The following IL23R variants were observed in gnomAD, a reference collection of about 807,000 sequenced individuals.
IL23R encodes interleukin 23 receptor, also known as interleukin-23 receptor.
IL23R carries 34 observed loss-of-function variants against 56.9 expected under a neutral mutation model. That is an observed-to-expected ratio of 0.60 (90% CI 0.45 to 0.80). The LOEUF is 0.80. Ranked by LOEUF, IL23R falls within the 30% of genes least tolerant of loss-of-function variation. The pLI is 0.00. For synonymous variants in IL23R, 230 were observed against 249.2 expected (o/e 0.92, Z 0.73); for missense variants, 635 against 730.0 (o/e 0.87, Z 1.50).
intron 9 of IL23R, among the ~76,000 whole-genome samples, chr1:67,255,098 G>A (rs540999613): frequency 6.6e-6 from 1 of 152,304 alleles, no homozygotes; most frequent in African/African-American, 2.4e-5. Context: ...CTAAATTTTA[G>A]GGCTTTATTA....
chr1:67,229,815 T>C (rs1181881933), intron 7 of IL23R, among the ~76,000 whole-genome samples: 3 of 152,218 alleles, frequency 2.0e-5, no homozygotes, highest in African/African-American at 7.2e-5. Flanking sequence ...CGGACATCTT[T>C]ATGATGCCAT....
chr1:67,163,630 C>T (rs201580639), upstream of IL23R, among the ~76,000 whole-genome samples: 63 of 152,098 alleles, frequency 4.1e-4, no homozygotes, highest in East Asian at 3.1e-3. Flanking sequence ...ATGATGAGAG[C>T]GAGTTCTCGT....
chr1:67,150,191 C>T (rs1199018500), intron 1 of IL23R, among the ~76,000 whole-genome samples: 1 of 151,090 alleles, frequency 6.6e-6, no homozygotes, highest in Non-Finnish European at 1.5e-5. Flanking sequence ...CCTCTGAATT[C>T]CAGGTTCATA....
intron 1 of IL23R, among the ~76,000 whole-genome samples, chr1:67,148,555 G>A (rs1341975443): frequency 6.6e-6 from 1 of 152,202 alleles, no homozygotes; most frequent in Non-Finnish European, 1.5e-5. Flanking sequence ...TTGAAGGTGG[G>A]TGTGGTCACC....
downstream of IL23R, among the ~76,000 whole-genome samples, chr1:67,263,339 G>A (rs1333823345): frequency 6.6e-6 from 1 of 151,810 alleles, no homozygotes; most frequent in East Asian, 1.9e-4. Flanking sequence ...TTCCACCTTG[G>A]CCTCTCAAAG....
At chr1:67,143,545 G>A (rs1646656384) in intron 1 of IL23R, among the ~76,000 whole-genome samples, 1 of 152,196 alleles carries the variant, frequency 6.6e-6, no homozygotes, top group African/African-American at 2.4e-5. Context: ...AGAACACAGT[G>A]CAGAATTGCC....
chr1:67,201,772 C>T (rs1179884658), intron 5 of IL23R, among the ~76,000 whole-genome samples: 1 of 152,082 alleles, frequency 6.6e-6, no homozygotes, highest in South Asian at 2.1e-4. Context: ...CCAGATTTAA[C>T]AAACATTAAT....
intron 6 of IL23R, among the ~76,000 whole-genome samples, chr1:67,219,233 T>C (rs552750150): frequency 3.2e-4 from 48 of 152,198 alleles, no homozygotes; most frequent in Non-Finnish European, 5.3e-4. Flanking sequence ...CCAGGTGTTG[T>C]AGTGCATGAC....
At chr1:67,201,717 A>C (rs187803748) in intron 5 of IL23R, among the ~76,000 whole-genome samples, 84 of 152,322 alleles carry the variant, frequency 5.5e-4, no homozygotes, top group African/African-American at 1.9e-3. Context: ...TACAAAATAC[A>C]TAGAAAATTG....
intron 9 of IL23R, among the ~76,000 whole-genome samples, chr1:67,241,050 C>T (rs957647797): frequency 3.3e-5 from 5 of 152,186 alleles, no homozygotes; most frequent in African/African-American, 1.2e-4. Context: ...GCCTATTAGG[C>T]TAGGTTACAG....
intron 3 of IL23R, among the ~76,000 whole-genome samples, chr1:67,179,143 G>T (rs1415268922): frequency 6.6e-6 from 1 of 152,196 alleles, no homozygotes; most frequent in Non-Finnish European, 1.5e-5. Flanking sequence ...AAATGAGTTA[G>T]GGAGGATTCC....
intron 1 of IL23R, among the ~76,000 whole-genome samples, chr1:67,143,455 C>T (rs560735051): frequency 2.3e-4 from 35 of 152,244 alleles, no homozygotes; most frequent in African/African-American, 8.4e-4. Context: ...AATGTCAATG[C>T]ATTAATTAGT....
rs1342306651 is a variant in IL23R at position 67,203,975 on chromosome 1, G to A, written c.653-2935G>A. 2.0e-5 allele frequency among the ~76,000 whole-genome samples: 3 copies of A among 152,232 alleles called. No individual in the cohort carries two copies. The East Asian group carries it at 5.8e-4, about 29-fold the overall frequency. On this transcript the variant is annotated intron_variant, in intron 5 of 10. Transcript: ENST00000347310. ...CCATTATATAAATATGGATAAATAT[G>A]TGTTGGAAAGATGCTAAAAGGCTAT...
intron 7 of IL23R, among the ~76,000 whole-genome samples, chr1:67,228,014 CT>C (rs1202312536): frequency 1.2e-5 from 1 of 82,852 alleles, no homozygotes; most frequent in African/African-American, 5.0e-5. Context: ...TTCTTTCTTT[CT>C]TTCTTCCTTT....
chr1:67,160,955 A>G (rs760411131), intron 1 of IL23R, among the ~76,000 whole-genome samples: 9 of 152,218 alleles, frequency 5.9e-5, no homozygotes, highest in Non-Finnish European at 1.3e-4. Flanking sequence ...GAATCAATAA[A>G]ACCTTATTTA....
chr1:67,158,248 T>A (rs1646787543), intron 1 of IL23R, among the ~76,000 whole-genome samples: 1 of 151,456 alleles, frequency 6.6e-6, no homozygotes, highest in South Asian at 2.1e-4. Context: ...TTTGAATGAA[T>A]GAATGTTGTA....
intron 3 of IL23R, among the ~76,000 whole-genome samples, chr1:67,173,467 A>G (rs575992214): frequency 3.3e-5 from 5 of 152,290 alleles, no homozygotes; most frequent in South Asian, 2.1e-4. Context: ...AATCATTGTA[A>G]TCAATGAGGG....
At chr1:67,204,063 ACTTTTTTTTT>A in intron 5 of IL23R, among the ~76,000 whole-genome samples, 2 of 152,244 alleles carry the variant, frequency 1.3e-5, no homozygotes, top group Middle Eastern at 6.8e-3. Flanking sequence ...TAAAATTGAT[ACTTTTTTTTT>A]CTTTTTTTGA....
In IL23R at chr1:67,258,557, T is replaced by C; in HGVS notation, c.1319T>C (p.Ile440Thr). The change falls in exon 11 of 11, where the codon ATC becomes ACC. Residue 440 changes from isoleucine (I) to threonine (T), a missense_variant. Transcript: ENST00000347310. ...VDPMITEIKE[I>T]FIPEHKPTDY... The stretch of plus-strand genomic sequence containing the variant: ...CCCATGATTACAGAGATAAAAGAAA[T>C]CTTCATCCCAGAACACAAGCCTACA... 1 of 1,608,672 alleles carries C rather than the reference T, an allele frequency of 6.2e-7. No individual in the cohort carries two copies. The highest frequency in any genetic ancestry group is 8.5e-7 in the Non-Finnish European group (1 of 1,177,442).
Sources: gnomAD v4.1 joint callset for allele counts (sites outside exome capture counted in the v4.1 genomes callset) on GRCh38, gnomAD v4.1.1 for gene constraint, MANE v1.5 for transcripts, NCBI Gene and HGNC (gene_info 2026-07-23, HGNC 2026-07-21) for gene names.